Variants in RSRC1 observed in about 807,000 individuals in gnomAD.
RSRC1 encodes arginine and serine rich coiled-coil 1, also known as serine/Arginine-related protein 53.
In RSRC1, 39 loss-of-function variants were observed where a neutral mutation model predicts 49.1. The observed-to-expected ratio is 0.79, with a 90% CI of 0.61 to 1.04. RSRC1 has a LOEUF of 1.04. Among genes scored for constraint, RSRC1 ranks in the 50% least tolerant of loss-of-function variants. The pLI is 0.00. For missense variants in RSRC1, 388 were observed against 402.4 expected (o/e 0.96, Z 0.31); for synonymous variants, 143 against 130.8 (o/e 1.09, Z -0.63).
chr3:158,161,386 A>G (rs1718208559), intron 3 of RSRC1, among the ~76,000 whole-genome samples: 1 of 152,232 alleles, frequency 6.6e-6, no homozygotes, highest in Non-Finnish European at 1.5e-5. Context: ...TCCTCTGCTA[A>G]ATGTCACTTC....
intron 6 of RSRC1, among the ~76,000 whole-genome samples, chr3:158,421,817 C>T (rs1232554403): frequency 6.6e-6 from 1 of 151,768 alleles, no homozygotes. Context: ...CAGACCTTAC[C>T]ATCATAAACA....
At chr3:158,148,350 GGT>G (rs1379216222) in intron 3 of RSRC1, among the ~76,000 whole-genome samples, 6 of 118,854 alleles carry the variant, frequency 5.0e-5, no homozygotes, top group South Asian at 2.5e-4. Flanking sequence ...GTTCTTAAAA[GGT>G]GTGTGTGTGT....
At chr3:158,375,151 C>CT (rs1365780338) in intron 6 of RSRC1, among the ~76,000 whole-genome samples, 1 of 149,058 alleles carries the variant, frequency 6.7e-6, no homozygotes, top group Non-Finnish European at 1.5e-5. Flanking sequence ...GTAAATTGGA[C>CT]TTAGCAAGTT....
chr3:158,146,179 G>A (rs986479516), intron 3 of RSRC1, among the ~76,000 whole-genome samples: 1 of 152,108 alleles, frequency 6.6e-6, no homozygotes, highest in Non-Finnish European at 1.5e-5. Flanking sequence ...AATAGGAGTG[G>A]TGAGAGAGGG....
At chr3:158,519,153 C>G (rs956546019) in intron 7 of RSRC1, among the ~76,000 whole-genome samples, 2 of 152,002 alleles carry the variant, frequency 1.3e-5, no homozygotes, top group Non-Finnish European at 2.9e-5. Context: ...TGGAAATCAG[C>G]CTTTATTTTC....
intron 3 of RSRC1, among the ~76,000 whole-genome samples, chr3:158,194,052 TATACACACAC>T (rs1373132003): frequency 2.7e-5 from 3 of 112,920 alleles, no homozygotes; most frequent in African/African-American, 1.2e-4. Context: ...AGACCCCGTC[TATACACACAC>T]ACACACACAC....
intron 7 of RSRC1, among the ~76,000 whole-genome samples, chr3:158,529,222 A>G (rs1712237883): frequency 6.7e-6 from 1 of 149,598 alleles, no homozygotes; most frequent in African/African-American, 2.5e-5. Context: ...GTGTATATAT[A>G]TATATATATA....
At chr3:158,267,997 G>T (rs1725298292) in intron 4 of RSRC1, among the ~76,000 whole-genome samples, 1 of 151,380 alleles carries the variant, frequency 6.6e-6, no homozygotes, top group Non-Finnish European at 1.5e-5. Flanking sequence ...CTTCCTATAG[G>T]TACTGTCTAA....
chr3:158,418,768 TC>T (rs1734883210), intron 6 of RSRC1, among the ~76,000 whole-genome samples: 1 of 152,004 alleles, frequency 6.6e-6, no homozygotes, highest in South Asian at 2.1e-4. Context: ...ATTTTATACT[TC>T]ATCTTACTAA....
intron 3 of RSRC1, among the ~76,000 whole-genome samples, chr3:158,155,504 G>A (rs749339898): frequency 2.0e-5 from 3 of 151,582 alleles, no homozygotes; most frequent in Non-Finnish European, 4.4e-5. Context: ...GCATGATCTC[G>A]GCTCCCTGCA....
At chr3:158,336,134 G>A (rs1729870337) in intron 5 of RSRC1, among the ~76,000 whole-genome samples, 1 of 152,242 alleles carries the variant, frequency 6.6e-6, no homozygotes, top group Non-Finnish European at 1.5e-5. Context: ...GTCTATGCCT[G>A]CCTAGGCAAT....
intron 6 of RSRC1, among the ~76,000 whole-genome samples, chr3:158,452,333 A>G (rs4680437): frequency 0.53 from 80,081 of 151,938 alleles, 21,684 homozygotes; most frequent in African/African-American, 0.64. Flanking sequence ...ATTGGAAAAT[A>G]GTACTTGTCA....
chr3:158,131,868 A>G (rs1325274817), intron 3 of RSRC1, among the ~76,000 whole-genome samples: 1 of 152,212 alleles, frequency 6.6e-6, no homozygotes, highest in African/African-American at 2.4e-5. Flanking sequence ...TTAATTTGAA[A>G]AAGTAATATA....
At chr3:158,387,105 C>T (rs1023203455) in intron 6 of RSRC1, among the ~76,000 whole-genome samples, 5 of 151,912 alleles carry the variant, frequency 3.3e-5, no homozygotes, top group African/African-American at 1.2e-4. Context: ...TTACAGTTTT[C>T]CAGATATGAC....
At chr3:158,287,590 G>A (rs915614418) in intron 4 of RSRC1, among the ~76,000 whole-genome samples, 17 of 152,042 alleles carry the variant, frequency 1.1e-4, no homozygotes, top group African/African-American at 4.1e-4. Context: ...TTAGCTTATT[G>A]TTCATCTGTA....
chr3:158,245,927 T>G (rs1263597124), intron 4 of RSRC1, among the ~76,000 whole-genome samples: 1 of 152,202 alleles, frequency 6.6e-6, no homozygotes, highest in African/African-American at 2.4e-5. Flanking sequence ...CTCCATGCCT[T>G]TATTTTGAGC....
chr3:158,459,607 A>G (rs570678392), intron 6 of RSRC1, among the ~76,000 whole-genome samples: 4 of 152,220 alleles, frequency 2.6e-5, no homozygotes, highest in Admixed American at 6.5e-5. Context: ...AATTTCTATT[A>G]TCCTTGTCCT....
intron 5 of RSRC1, among the ~76,000 whole-genome samples, chr3:158,352,432 T>C (rs1268180711): frequency 6.6e-6 from 1 of 152,190 alleles, no homozygotes; most frequent in African/African-American, 2.4e-5. Context: ...ATGTTGGGTA[T>C]ACATTATTAT....
At chr3:158,244,069 A>G (rs1095633) in intron 4 of RSRC1, among the ~76,000 whole-genome samples, 90,378 of 151,348 alleles carry the variant, frequency 0.6, 27,277 homozygotes, top group East Asian at 0.73. Flanking sequence ...ACCATCTGCA[A>G]GCAAAGATAG....
Sources: gnomAD v4.1 joint callset for allele counts (sites outside exome capture counted in the v4.1 genomes callset) on GRCh38, gnomAD v4.1.1 for gene constraint, MANE v1.5 for transcripts, NCBI Gene and HGNC (gene_info 2026-07-23, HGNC 2026-07-21) for gene names.